SP100: variants seen among roughly 807,000 people sequenced by gnomAD.
SP100 encodes SP100 nuclear body protein.
Under a neutral mutation model 130.0 loss-of-function variants are expected in SP100, and 84 were observed. The observed-to-expected ratio is 0.65, with a 90% CI of 0.54 to 0.77. SP100 has a LOEUF of 0.77. Ranked by LOEUF, SP100 falls within the 30% of genes least tolerant of loss-of-function variation. The pLI, the probability that SP100 is intolerant of heterozygous loss-of-function variation, is 0.00. For synonymous variants in SP100, 331 were observed against 351.7 expected (o/e 0.94, Z 0.66); for missense variants, 978 against 1,052.2 (o/e 0.93, Z 0.97).
At chr2:230,534,649 G>A (rs551765948) in intron 24 of SP100, among the ~76,000 whole-genome samples, 8 of 152,200 alleles carry the variant, frequency 5.3e-5, no homozygotes, top group Non-Finnish European at 1.2e-4. Context: ...TGCAGAAAGC[G>A]TTGTCACATC....
chr2:230,496,803 C>A (rs2066695044), intron 18 of SP100, among the ~76,000 whole-genome samples: 1 of 152,174 alleles, frequency 6.6e-6, no homozygotes, highest in Non-Finnish European at 1.5e-5. Flanking sequence ...TCAACTCATC[C>A]ATCCAAGTGA....
At chr2:230,442,011 G>A (rs143173015) in intron 2 of SP100, among the ~76,000 whole-genome samples, 18 of 151,640 alleles carry the variant, frequency 1.2e-4, no homozygotes, top group African/African-American at 3.9e-4. Context: ...TAATTCCTTT[G>A]TTATCATTTT....
At chr2:230,470,249 A>T (rs1483122683) in intron 15 of SP100, 151 bp downstream of exon 15, 1 of 1,348,780 alleles carries the variant, frequency 7.4e-7, no homozygotes, top group Non-Finnish European at 9.6e-7. Context: ...TAGAAAATGG[A>T]AAGAGGCAGG....
chr2:230,521,418 C>T (rs968213402), intron 24 of SP100, among the ~76,000 whole-genome samples: 3 of 152,186 alleles, frequency 2.0e-5, no homozygotes, highest in South Asian at 2.1e-4. Context: ...ACCCCCGGTG[C>T]CTGCCTAACT....
Position 230,444,127 on chromosome 2 carries a change from C to T in SP100, c.271-51C>T, listed in dbSNP as rs747948629. The T allele has an allele frequency of 3.0e-6, 4 of 1,326,868 alleles. No homozygotes were observed. In the African/African-American group the frequency reaches 5.9e-5, roughly 20 times the overall value. The allele number at this position is 1,326,868 out of a possible 1,614,324, so 82.2% of individuals were successfully genotyped here. On this transcript the variant is annotated intron_variant, in intron 3 of 28. Transcript: ENST00000340126. Reference sequence around the variant, plus strand: ...CATAGAATTCCTTTCTAGAGCTCTTCTGTGACTTGGAAGTCTTTATTTATA... The same window carrying T: ...CATAGAATTCCTTTCTAGAGCTCTTTTGTGACTTGGAAGTCTTTATTTATA...
intron 15 of SP100, among the ~76,000 whole-genome samples, chr2:230,472,038 G>A (rs1200661441): frequency 6.6e-6 from 1 of 152,132 alleles, no homozygotes; most frequent in African/African-American, 2.4e-5. Flanking sequence ...CTAACAGCAG[G>A]CATTTGGTGA....
In SP100 at chr2:230,486,936, G is replaced by A. The variant is rs531089686; in HGVS notation, c.1601-7480G>A. On this transcript the variant is annotated intron_variant, in intron 17 of 28. Coordinates refer to ENST00000340126, the MANE Select transcript of SP100 (RefSeq NM_001080391.2). ...CGTTTCTCTAATGTTCAGTGATGTT[G>A]AGCTTGTTTTCATGTTCATTGGCCA... Among the ~76,000 whole-genome samples, 6 of 152,328 alleles carry A rather than the reference G, an allele frequency of 3.9e-5. No individual in the cohort carries two copies. The South Asian group carries it at 1.2e-3, about 32-fold the overall frequency.
At chr2:230,419,802 G>C (rs1343241589) in intron 2 of SP100, among the ~76,000 whole-genome samples, 1 of 152,150 alleles carries the variant, frequency 6.6e-6, no homozygotes, top group Non-Finnish European at 1.5e-5. Context: ...CATCCACTGG[G>C]GTTCTTGGAA....
chr2:230,463,369 A>T (rs1472536087), intron 10 of SP100, among the ~76,000 whole-genome samples: 3 of 152,242 alleles, frequency 2.0e-5, no homozygotes, highest in African/African-American at 7.2e-5. Context: ...TAACATAAGT[A>T]TGCAAATTGG....
intron 5 of SP100, among the ~76,000 whole-genome samples, chr2:230,448,638 GCT>G (rs1188074831): frequency 6.6e-6 from 1 of 152,188 alleles, no homozygotes; most frequent in Non-Finnish European, 1.5e-5. Flanking sequence ...GGAAGTAGAG[GCT>G]ACTCAGACAC....
chr2:230,507,244 C>A (rs1690184844), intron 22 of SP100: 1 of 152,214 alleles, frequency 6.6e-6, no homozygotes, highest in South Asian at 2.1e-4. Flanking sequence ...AGGGGACCAC[C>A]AGATTGCCTA....
At chr2:230,524,179 CAAAAA>C (rs71420292) in intron 24 of SP100, among the ~76,000 whole-genome samples, 46 of 75,392 alleles carry the variant, frequency 6.1e-4, no homozygotes, top group Non-Finnish European at 8.5e-4. Context: ...ACTAAAAATA[CAAAAA>C]AAAAAAAAAA....
chr2:230,508,437 TC>T, intron 23 of SP100: 1 of 156,118 alleles, frequency 6.4e-6, no homozygotes, highest in Non-Finnish European at 1.4e-5. Flanking sequence ...TGCCTCAGCC[TC>T]CCCAGTAGCT....
At chr2:230,438,646 TATACACACACACACAC>T (rs1329516298) in intron 2 of SP100, among the ~76,000 whole-genome samples, 3 of 98,956 alleles carry the variant, frequency 3.0e-5, no homozygotes, top group Non-Finnish European at 7.1e-5. Context: ...GGTGTATATA[TATACACACACACACAC>T]ACACACACAC....
intron 24 of SP100, among the ~76,000 whole-genome samples, chr2:230,513,437 G>A (rs1469959511): frequency 1.3e-5 from 2 of 151,968 alleles, no homozygotes; most frequent in African/African-American, 2.4e-5. Context: ...ACCTTCCCAA[G>A]GTGGGTTAAT....
At chr2:230,486,517 A>C (rs1575719270) in intron 17 of SP100, among the ~76,000 whole-genome samples, 1 of 152,086 alleles carries the variant, frequency 6.6e-6, no homozygotes, top group Non-Finnish European at 1.5e-5. Context: ...ATTCCTTTTT[A>C]TGGCTGCATA....
chr2:230,435,583 G>A (rs1219669316), intron 2 of SP100, among the ~76,000 whole-genome samples: 1 of 151,944 alleles, frequency 6.6e-6, no homozygotes, highest in East Asian at 1.9e-4. Context: ...TTAAGTTCGG[G>A]GGTACATGTG....
rs190574524 is a variant in SP100 at position 230,502,907 on chromosome 2, A to G, written c.1721-159A>G. On this transcript the variant is annotated intron_variant, in intron 19 of 28. Coordinates refer to ENST00000340126, the MANE Select transcript of SP100 (RefSeq NM_001080391.2). Reference sequence around the variant, plus strand: ...GGTTATGAACTGAAAAACCTTAACTACTTACTATCTGTCCCTTTACAAAAA... The same window carrying G: ...GGTTATGAACTGAAAAACCTTAACTGCTTACTATCTGTCCCTTTACAAAAA... 1.2e-3 allele frequency among the ~76,000 whole-genome samples: 187 copies of G among 152,272 alleles called. 1 individual carries two copies. Among genetic ancestry groups the G allele is most frequent in the African/African-American group, 4.1e-3 (172 of 41,552 alleles).
chr2:230,475,937 T>C (rs2065522161), intron 17 of SP100, among the ~76,000 whole-genome samples: 1 of 152,214 alleles, frequency 6.6e-6, no homozygotes, highest in African/African-American at 2.4e-5. Flanking sequence ...TTGATTACTG[T>C]AGCCTTATAG....
Sources: gnomAD v4.1 joint callset for allele counts (sites outside exome capture counted in the v4.1 genomes callset) on GRCh38, gnomAD v4.1.1 for gene constraint, MANE v1.5 for transcripts, NCBI Gene and HGNC (gene_info 2026-07-23, HGNC 2026-07-21) for gene names.